Variants in CCDC3 observed in about 807,000 individuals in gnomAD.
CCDC3 encodes coiled-coil domain containing 3.
CCDC3 carries 24 observed loss-of-function variants against 21.4 expected under a neutral mutation model. That is an observed-to-expected ratio of 1.12 (90% CI 0.81 to 1.58). The LOEUF (loss-of-function observed/expected upper bound fraction) is 1.58, where lower values mean the gene tolerates loss of function less well. Among genes scored for constraint, CCDC3 ranks in the 40% most tolerant of loss-of-function variants. The pLI is 0.00. For synonymous variants in CCDC3, 186 were observed against 166.0 expected (o/e 1.12, Z -0.93); for missense variants, 425 against 360.9 (o/e 1.18, Z -1.44).
intron 4 of CCDC3, among the ~76,000 whole-genome samples, chr10:13,058,938 C>T (rs1836717563): frequency 6.6e-6 from 1 of 152,078 alleles, no homozygotes; most frequent in Non-Finnish European, 1.5e-5. Context: ...TTCACATACA[C>T]TATCTCAATT....
intron 2 of CCDC3, among the ~76,000 whole-genome samples, chr10:12,948,530 T>C (rs1834957338): frequency 6.6e-6 from 1 of 151,882 alleles, no homozygotes; most frequent in African/African-American, 2.4e-5. Flanking sequence ...ACCCCGTGTG[T>C]TTTCTCTACC....
At chr10:13,095,374 C>T (rs1832618161) in intron 3 of CCDC3, among the ~76,000 whole-genome samples, 1 of 145,552 alleles carries the variant, frequency 6.9e-6, no homozygotes. Flanking sequence ...CAGCAGTCCC[C>T]AACATTTTTG....
intron 4 of CCDC3, among the ~76,000 whole-genome samples, chr10:13,053,104 G>T (rs571317384): frequency 6.6e-6 from 1 of 151,970 alleles, no homozygotes; most frequent in Non-Finnish European, 1.5e-5. Context: ...TCAGGAAAAA[G>T]GATTTTTCCT....
chr10:12,963,584 T>G (rs1233832746), intron 2 of CCDC3, among the ~76,000 whole-genome samples: 1 of 146,478 alleles, frequency 6.8e-6, no homozygotes, highest in Non-Finnish European at 1.5e-5. Context: ...TCCGGGTTTT[T>G]TTTTTTTTTT....
rs532722621 is a variant in CCDC3 at position 12,964,171 on chromosome 10, G to C, written c.549+34167C>G. Among the ~76,000 whole-genome samples the C allele has an allele frequency of 2.0e-5, 3 of 152,086 alleles. No homozygotes were observed. In the South Asian group the frequency reaches 6.2e-4, roughly 32 times the overall value. ...GCGGATCACTTGAGGTCGGGAGTTC[G>C]AGACCAGCCTAACCAACATGGAGAA... is the stretch of plus-strand genomic sequence containing the variant. On this transcript the variant is annotated intron_variant, in intron 2 of 2. Coordinates refer to ENST00000378825, the MANE Select transcript of CCDC3 (RefSeq NM_031455.4).
intron 2 of CCDC3, among the ~76,000 whole-genome samples, chr10:12,951,064 A>G (rs1835000415): frequency 6.6e-6 from 1 of 152,192 alleles, no homozygotes; most frequent in Non-Finnish European, 1.5e-5. Flanking sequence ...AATCAATCAG[A>G]AAGTATTCAG....
At chr10:13,028,124 G>A (rs1836248441) in intron 5 of CCDC3, among the ~76,000 whole-genome samples, 1 of 152,168 alleles carries the variant, frequency 6.6e-6, no homozygotes. Flanking sequence ...TTGAATTACA[G>A]CTCCCATAAT....
At position 12,898,251 on chromosome 10, in the gene CCDC3, C is replaced by T. The variant is rs1368806316; in HGVS notation, c.*165G>A. The T allele has an allele frequency of 2.4e-6, 2 of 841,430 alleles. No individual in the cohort carries two copies. The highest frequency in any genetic ancestry group is 3.6e-6 in the Non-Finnish European group (2 of 556,106). The allele number at this position is 841,430 out of a possible 1,614,324, so 52.1% of individuals were successfully genotyped here. A position where few individuals can be genotyped will look rare whatever the true frequency, so the allele number is the denominator to read the frequency against. On this transcript the variant is annotated 3_prime_UTR_variant, in exon 3 of 3. Transcript: ENST00000378825. ...GTGGGGTCTGACATTGAGGCCAGCA[C>T]CCAAGGGGAAAGCAAGCCTTGCATT...
At chr10:13,041,403 G>T (rs780025803) in intron 5 of CCDC3, among the ~76,000 whole-genome samples, 1 of 149,126 alleles carries the variant, frequency 6.7e-6, no homozygotes, top group Non-Finnish European at 1.5e-5. Context: ...ATTTATACTC[G>T]TCTTGGCTCC....
At chr10:12,930,917 G>A (rs974207137) in intron 2 of CCDC3, among the ~76,000 whole-genome samples, 1 of 152,164 alleles carries the variant, frequency 6.6e-6, no homozygotes, top group East Asian at 1.9e-4. Context: ...AGTGATGGTC[G>A]CAAATTTACT....
At position 13,001,592 on chromosome 10, in the gene CCDC3, C is replaced by G; in HGVS notation, c.-22G>C. On this transcript the variant is annotated 5_prime_UTR_variant, in exon 1 of 3. Coordinates refer to ENST00000378825, the MANE Select transcript of CCDC3 (RefSeq NM_031455.4). ...GCATGCCGGGCCCTCCCGGGGCGCA[C>G]GGGGCGGCGGCGGGGAGCCCGGGGA... The G allele has an allele frequency of 1.7e-6, 2 of 1,168,670 alleles. No individual in the cohort carries two copies. The highest frequency in any genetic ancestry group is 1.1e-6 in the Non-Finnish European group (1 of 947,868). 72.4% of individuals were successfully genotyped at this position (1,168,670 alleles called of 1,614,324 possible).
chr10:12,900,841 A>G lies in CCDC3; in HGVS notation c.550-2162T>C, dbSNP rs117147027. 1.8e-4 allele frequency among the ~76,000 whole-genome samples: 27 copies of G among 152,230 alleles called. No individual in the cohort carries two copies. The East Asian group carries it at 3.1e-3, about 17-fold the overall frequency. Reference sequence around the variant, plus strand: ...TGACGAGTGACCTGAGACCTTGGGCAAGCTTCCTAGGCTCAGAGTAGTGGA... The same window carrying G: ...TGACGAGTGACCTGAGACCTTGGGCGAGCTTCCTAGGCTCAGAGTAGTGGA... On this transcript the variant is annotated intron_variant, in intron 2 of 2. Coordinates refer to ENST00000378825, the MANE Select transcript of CCDC3 (RefSeq NM_031455.4).
chr10:13,038,046 C>T (rs1035000559), intron 5 of CCDC3, among the ~76,000 whole-genome samples: 2 of 152,208 alleles, frequency 1.3e-5, no homozygotes, highest in East Asian at 1.9e-4. Context: ...TGAAAAGGAG[C>T]GAGATCATTG....
At chr10:12,995,255 G>C (rs73583877) in intron 2 of CCDC3, among the ~76,000 whole-genome samples, 4,160 of 152,000 alleles carry the variant, frequency 0.027, 220 homozygotes, top group African/African-American at 0.095. Context: ...GTTTTGCTTT[G>C]TTTTGAGACA....
intron 2 of CCDC3, among the ~76,000 whole-genome samples, chr10:12,916,326 G>T (rs919793965): frequency 2.0e-5 from 3 of 151,992 alleles, no homozygotes; most frequent in African/African-American, 7.2e-5. Context: ...CAGCTACTCA[G>T]GAGGCTGAGG....
chr10:12,962,910 C>T (rs1282999070), intron 2 of CCDC3, among the ~76,000 whole-genome samples: 1 of 152,162 alleles, frequency 6.6e-6, no homozygotes, highest in African/African-American at 2.4e-5. Context: ...CTAGGGTTGA[C>T]AGCTTTTATA....
At chr10:12,918,853 A>G (rs1834400545) in intron 2 of CCDC3, among the ~76,000 whole-genome samples, 1 of 152,106 alleles carries the variant, frequency 6.6e-6, no homozygotes, top group East Asian at 1.9e-4. Flanking sequence ...GGAGATCAAG[A>G]CCACCCTGGC....
At chr10:13,070,639 A>C (rs1480049671) in intron 4 of CCDC3, among the ~76,000 whole-genome samples, 2 of 152,224 alleles carry the variant, frequency 1.3e-5, no homozygotes, top group Non-Finnish European at 2.9e-5. Context: ...TCGGTATTTG[A>C]GGATACAAAC....
At chr10:13,035,182 C>T (rs1205076906) in intron 5 of CCDC3, among the ~76,000 whole-genome samples, 2 of 152,102 alleles carry the variant, frequency 1.3e-5, no homozygotes, top group African/African-American at 4.8e-5. Context: ...CAGCCAGAGG[C>T]TTTCCTAGGT....
Sources: allele counts gnomAD v4.1 joint callset (sites outside exome capture counted in the v4.1 genomes callset), GRCh38; gene constraint gnomAD v4.1.1; transcripts MANE v1.5; gene names NCBI Gene and HGNC (gene_info 2026-07-23, HGNC 2026-07-21).